PGGT1B: variants seen among roughly 807,000 people sequenced by gnomAD.
The protein encoded by PGGT1B is protein geranylgeranyltransferase type I subunit beta, also known as geranylgeranyl transferase type-1 subunit beta.
Under a neutral mutation model 46.1 loss-of-function variants are expected in PGGT1B, and 30 were observed. That is an observed-to-expected ratio of 0.65 (90% CI 0.49 to 0.88). The LOEUF (loss-of-function observed/expected upper bound fraction) is 0.88, where lower values mean the gene tolerates loss of function less well. Among genes scored for constraint, PGGT1B ranks in the 40% least tolerant of loss-of-function variants. The pLI is 0.00. For synonymous variants in PGGT1B, 170 were observed against 160.0 expected (o/e 1.06, Z -0.47); for missense variants, 376 against 455.9 (o/e 0.82, Z 1.60).
chr5:115,236,997 T>C (rs1015664018), intron 4 of PGGT1B, among the ~76,000 whole-genome samples: 8 of 152,242 alleles, frequency 5.3e-5, no homozygotes, highest in Non-Finnish European at 1.0e-4. Context: ...TAATTTTACA[T>C]ATTAGTTGTA....
At position 115,206,319 on chromosome 5, in the gene PGGT1B, A is replaced by G. The variant is rs1756062112; in HGVS notation, c.*6083T>C. 1 of 151,944 alleles carries G rather than the reference A, an allele frequency of 6.6e-6. No individual in the cohort carries two copies. The highest frequency in any genetic ancestry group is 1.5e-5 in the Non-Finnish European group (1 of 67,884). The allele number at this position is 151,944 out of a possible 1,614,324, so 9.4% of individuals were successfully genotyped here. On this transcript the variant is annotated 3_prime_UTR_variant, in exon 9 of 9. Coordinates refer to ENST00000419445, the MANE Select transcript of PGGT1B (RefSeq NM_005023.4). ...ATAGTATAGGCTGGGATGGGGAGAGAACTATCATTTTTCTTTAAATTATAA... is the reference window on the plus strand; with the variant it reads ...ATAGTATAGGCTGGGATGGGGAGAGGACTATCATTTTTCTTTAAATTATAA...
chr5:115,253,227 C>T lies in PGGT1B; in HGVS notation c.169G>A (p.Gly57Arg), dbSNP rs762007923. The T allele has an allele frequency of 1.9e-6, 3 of 1,583,852 alleles. No individual in the cohort carries two copies. Among genetic ancestry groups the T allele is most frequent in the Non-Finnish European group, 1.7e-6 (2 of 1,169,686 alleles). ...TCTAAGGAATCCAACATATCCAGCC[C>T]GGAGAGTGCAAAAAATGCAATTGTC... ...RLTIAFFALS[G>R]LDMLDSLDVV... Residue 57 changes from glycine (G) to arginine (R), a missense_variant, in exon 2 of 9, where the codon GGG becomes AGG. Gly to Arg is a moderately radical substitution (Grantham distance 125, BLOSUM62 -2). Coordinates refer to ENST00000419445, the MANE Select transcript of PGGT1B (RefSeq NM_005023.4).
intron 3 of PGGT1B, 152 bp from the exon 4 acceptor site, chr5:115,238,161 T>C (rs974626507): frequency 3.5e-5 from 17 of 482,010 alleles, no homozygotes; most frequent in South Asian, 1.7e-4. Context: ...CAAATCTCCA[T>C]TTTATGTATG....
Position 115,204,788 on chromosome 5 carries a change from A to G in PGGT1B, c.*7614T>C, listed in dbSNP as rs1217660218. 6.6e-6 allele frequency: 1 copy of G among 152,224 alleles called. No homozygotes were observed. Among genetic ancestry groups the G allele is most frequent in the East Asian group, 1.9e-4 (1 of 5,202 alleles). 9.4% of individuals were successfully genotyped at this position (152,224 alleles called of 1,614,324 possible). A position where few individuals can be genotyped will look rare whatever the true frequency, so the allele number is the denominator to read the frequency against. On this transcript the variant is annotated 3_prime_UTR_variant, in exon 9 of 9. Transcript: ENST00000419445. ...AAGTGAATAAATGAATGATGTTCAT[A>G]GCAACGTTTATGAGCTGTAAGTAAC...
chr5:115,248,039 G>A (rs1239073577), intron 2 of PGGT1B, among the ~76,000 whole-genome samples: 1 of 152,098 alleles, frequency 6.6e-6, no homozygotes, highest in Non-Finnish European at 1.5e-5. Context: ...CTTCCCCCAT[G>A]TTATTTTTTA....
chr5:115,254,114 T>A (rs1478256276), intron 1 of PGGT1B, among the ~76,000 whole-genome samples: 1 of 152,074 alleles, frequency 6.6e-6, no homozygotes, highest in Non-Finnish European at 1.5e-5. Flanking sequence ...ATGTATTCTG[T>A]AATCTTTTCA....
chr5:115,249,248 T>G (rs138363959), intron 2 of PGGT1B, among the ~76,000 whole-genome samples: 205 of 152,276 alleles, frequency 1.3e-3, no homozygotes, highest in African/African-American at 4.7e-3. Flanking sequence ...ATTTATCATT[T>G]AATCATATAT....
At chr5:115,236,567 C>CT (rs771502041) in intron 4 of PGGT1B, 45 bp from the exon 5 acceptor site, 1 of 1,403,228 alleles carries the variant, frequency 7.1e-7, no homozygotes, top group Middle Eastern at 1.8e-4. Context: ...ACACTGGACT[C>CT]TGATTTTTTT....
Position 115,250,536 on chromosome 5 carries a change from T to C in PGGT1B, c.259+2601A>G, listed in dbSNP as rs536409081. Among the ~76,000 whole-genome samples the C allele has an allele frequency of 1.2e-4, 19 of 152,116 alleles. 1 individual carries two copies. The South Asian group carries it at 3.7e-3, about 30-fold the overall frequency. ...AAGCAGCAATGACTGAAGAAAAAAA[T>C]TGGCAGTGGGTTTCAAACCAGTGAA... On this transcript the variant is annotated intron_variant, in intron 2 of 8. Coordinates refer to ENST00000419445, the MANE Select transcript of PGGT1B (RefSeq NM_005023.4).
chr5:115,219,616 A>T (rs1172236852), intron 7 of PGGT1B, among the ~76,000 whole-genome samples: 1 of 151,866 alleles, frequency 6.6e-6, no homozygotes, highest in Admixed American at 6.6e-5. Context: ...GCATCAAAAA[A>T]CTTTTGTGCG....
intron 5 of PGGT1B, among the ~76,000 whole-genome samples, chr5:115,232,909 CA>C (rs1437260868): frequency 2.6e-5 from 4 of 151,552 alleles, no homozygotes; most frequent in African/African-American, 9.7e-5. Context: ...AAGGAAAGCT[CA>C]AAAAAGCAAA....
intron 5 of PGGT1B, among the ~76,000 whole-genome samples, chr5:115,234,456 C>T (rs1757110799): frequency 6.6e-6 from 1 of 151,752 alleles, no homozygotes; most frequent in African/African-American, 2.4e-5. Flanking sequence ...TAGTTCTGAC[C>T]TTAAGAACCA....
At chr5:115,225,731 C>T (rs1038831086) in intron 6 of PGGT1B, among the ~76,000 whole-genome samples, 3 of 150,448 alleles carry the variant, frequency 2.0e-5, no homozygotes, top group Admixed American at 6.6e-5. Flanking sequence ...CTGCAACCTC[C>T]GCCTCCTGGG....
At chr5:115,222,102 T>C in intron 6 of PGGT1B, 94 bp from the exon 7 acceptor site, 1 of 623,064 alleles carries the variant, frequency 1.6e-6, no homozygotes, top group East Asian at 3.2e-5. Flanking sequence ...GTTATATAAT[T>C]CTAGAAAATA....
chr5:115,240,725 C>T (rs968419964), intron 3 of PGGT1B, among the ~76,000 whole-genome samples: 4 of 152,192 alleles, frequency 2.6e-5, no homozygotes, highest in African/African-American at 7.2e-5. Context: ...AAACTGGTAG[C>T]TCTCCACTTA....
intron 6 of PGGT1B, among the ~76,000 whole-genome samples, chr5:115,228,523 G>C (rs78818582): frequency 0.096 from 14,633 of 151,966 alleles, 1,301 homozygotes; most frequent in East Asian, 0.48. Flanking sequence ...ATGTGTATCT[G>C]GGTGGTTTGC....
intron 2 of PGGT1B, among the ~76,000 whole-genome samples, chr5:115,252,515 A>G (rs945729726): frequency 1.3e-5 from 2 of 152,034 alleles, no homozygotes; most frequent in African/African-American, 2.4e-5. Context: ...TATAACATGT[A>G]TAAGTTATAT....
chr5:115,204,749 C>T lies in PGGT1B; in HGVS notation c.*7653G>A, dbSNP rs373933107. On this transcript the variant is annotated 3_prime_UTR_variant, in exon 9 of 9. Transcript: ENST00000419445. ...GTCCAGGAAATTCTTTCTAGGAACACCATAAAAATAAATAAGTGAATAAAT... is the reference window on the plus strand; with the variant it reads ...GTCCAGGAAATTCTTTCTAGGAACATCATAAAAATAAATAAGTGAATAAAT... 6.6e-6 allele frequency: 1 copy of T among 151,954 alleles called. No individual in the cohort carries two copies. Among genetic ancestry groups the T allele is most frequent in the Non-Finnish European group, 1.5e-5 (1 of 67,960 alleles). 9.4% of individuals were successfully genotyped at this position (151,954 alleles called of 1,614,324 possible).
intron 2 of PGGT1B, among the ~76,000 whole-genome samples, chr5:115,244,895 C>G (rs1276520622): frequency 6.6e-6 from 1 of 152,090 alleles, no homozygotes; most frequent in Non-Finnish European, 1.5e-5. Context: ...CCCAGCCTAT[C>G]CTTTTATCAT....
Sources: allele counts gnomAD v4.1 joint callset (sites outside exome capture counted in the v4.1 genomes callset), GRCh38; gene constraint gnomAD v4.1.1; transcripts MANE v1.5; gene names NCBI Gene and HGNC (gene_info 2026-07-23, HGNC 2026-07-21).